The following TRPC4 variants were observed in gnomAD, a reference collection of about 807,000 sequenced individuals.
TRPC4 encodes short transient receptor potential channel 4.
TRPC4 carries 49 observed loss-of-function variants against 99.4 expected under a neutral mutation model. That is an observed-to-expected ratio of 0.49 (90% CI 0.39 to 0.63). The LOEUF is 0.63. TRPC4 is among the 20% of genes least tolerant of loss of function. TRPC4 has a pLI of 0.00. For synonymous variants in TRPC4, 454 were observed against 425.9 expected (o/e 1.07, Z -0.81); for missense variants, 898 against 1,152.9 (o/e 0.78, Z 3.20).
chr13:37,720,276 T>A lies in TRPC4; in HGVS notation c.897+25661A>T, dbSNP rs532237777. 1.2e-4 allele frequency among the ~76,000 whole-genome samples: 19 copies of A among 152,284 alleles called. 1 individual carries two copies. The South Asian group carries it at 3.9e-3, about 32-fold the overall frequency. On this transcript the variant is annotated intron_variant, in intron 3 of 10. Coordinates refer to ENST00000379705, the MANE Select transcript of TRPC4 (RefSeq NM_016179.4). The stretch of plus-strand genomic sequence containing the variant: ...GTTACAGCAGCAAGAGAAAACTAAT[T>A]AATGTATACATTGAAATTCTGAAAG...
At chr13:37,695,249 C>T (rs1953868573) in intron 3 of TRPC4, among the ~76,000 whole-genome samples, 1 of 151,910 alleles carries the variant, frequency 6.6e-6, no homozygotes, top group African/African-American at 2.4e-5. Flanking sequence ...TCTCTGTTGC[C>T]TCCCTCACTG....
Position 37,648,118 on chromosome 13 carries a change from T to C in TRPC4, c.2079+3147A>G, listed in dbSNP as rs1951906269. Among the ~76,000 whole-genome samples, 3 of 152,074 alleles carry C rather than the reference T, an allele frequency of 2.0e-5. No individual in the cohort carries two copies. In the South Asian group the frequency reaches 6.2e-4, roughly 32 times the overall value. ...CCACCACGCGCAGCTAATTTTTGTATTTTTGGTAGAGACAGGGTTTCACCG... is the reference window on the plus strand; with the variant it reads ...CCACCACGCGCAGCTAATTTTTGTACTTTTGGTAGAGACAGGGTTTCACCG... On this transcript the variant is annotated intron_variant, in intron 8 of 10. Coordinates refer to ENST00000379705, the MANE Select transcript of TRPC4 (RefSeq NM_016179.4).
At chr13:37,732,209 G>A (rs1255428119) in intron 3 of TRPC4, among the ~76,000 whole-genome samples, 1 of 152,144 alleles carries the variant, frequency 6.6e-6, no homozygotes, top group Non-Finnish European at 1.5e-5. Flanking sequence ...ACATAATGTG[G>A]TAAATGTACA....
intron 1 of TRPC4, among the ~76,000 whole-genome samples, chr13:37,821,208 A>ACACACACC (rs1566196341): frequency 6.6e-6 from 1 of 150,956 alleles, no homozygotes; most frequent in African/African-American, 2.4e-5. Context: ...ACACACACAC[A>ACACACACC]CACACACACA....
chr13:37,742,306 T>A (rs1348009743), intron 3 of TRPC4, among the ~76,000 whole-genome samples: 2 of 152,140 alleles, frequency 1.3e-5, no homozygotes, highest in Non-Finnish European at 2.9e-5. Flanking sequence ...TCATAAGGAA[T>A]CTGTTATTAG....
At chr13:37,793,605 A>T (rs894632847) in intron 1 of TRPC4, among the ~76,000 whole-genome samples, 47 of 152,118 alleles carry the variant, frequency 3.1e-4, no homozygotes, top group African/African-American at 1.1e-3. Context: ...TTTGGAGAAA[A>T]GGAAATATAA....
In TRPC4 at chr13:37,674,154, A is replaced by C. The variant is rs887221958; in HGVS notation, c.1374+74T>G. The C allele has an allele frequency of 6.7e-6, 9 of 1,339,534 alleles. No homozygotes were observed. In the Admixed American group the frequency reaches 1.6e-4, roughly 24 times the overall value. The allele number at this position is 1,339,534 out of a possible 1,614,324, so 83.0% of individuals were successfully genotyped here. ...AAAGCTCTAGGTAACTTTATTAATAAAATTAATATCAGTTGAAAGTATATC... is the reference window on the plus strand; with the variant it reads ...AAAGCTCTAGGTAACTTTATTAATACAATTAATATCAGTTGAAAGTATATC... On this transcript the variant is annotated intron_variant, in intron 5 of 10. Coordinates refer to ENST00000379705, the MANE Select transcript of TRPC4 (RefSeq NM_016179.4).
chr13:37,742,294 A>T (rs1593633352), intron 3 of TRPC4, among the ~76,000 whole-genome samples: 1 of 152,266 alleles, frequency 6.6e-6, no homozygotes, highest in East Asian at 1.9e-4. Flanking sequence ...TAATATGTTG[A>T]TTCATAAGGA....
intron 3 of TRPC4, among the ~76,000 whole-genome samples, chr13:37,745,456 A>ATGCG (rs1555265707): frequency 4.0e-3 from 12 of 3,014 alleles, no homozygotes; most frequent in African/African-American, 6.3e-3. Context: ...ATATATATAT[A>ATGCG]TATATATATA....
chr13:37,817,126 T>C (rs1042379502), intron 1 of TRPC4, among the ~76,000 whole-genome samples: 15 of 152,184 alleles, frequency 9.9e-5, no homozygotes, highest in Middle Eastern at 3.4e-3. Flanking sequence ...GAAAACTCCA[T>C]AGTCTCAGCA....
At chr13:37,746,514 T>A in intron 2 of TRPC4, 59 bp from the exon 3 acceptor site, 1 of 1,521,472 alleles carries the variant, frequency 6.6e-7, no homozygotes, top group Non-Finnish European at 8.8e-7. Context: ...GTCTGTGAAT[T>A]TCATACACCA....
chr13:37,796,593 C>T (rs2139410926), intron 1 of TRPC4, among the ~76,000 whole-genome samples: 1 of 152,204 alleles, frequency 6.6e-6, no homozygotes, highest in South Asian at 2.1e-4. Flanking sequence ...TCAGGGAGTT[C>T]TTTTGAGTCC....
At chr13:37,805,606 C>G (rs1305476026) in intron 1 of TRPC4, among the ~76,000 whole-genome samples, 1 of 151,942 alleles carries the variant, frequency 6.6e-6, no homozygotes, top group Non-Finnish European at 1.5e-5. Context: ...AGGTTTTCTT[C>G]TTTTGTAGGG....
At chr13:37,808,964 A>G (rs936149912) in intron 1 of TRPC4, among the ~76,000 whole-genome samples, 1 of 152,112 alleles carries the variant, frequency 6.6e-6, no homozygotes, top group Admixed American at 6.6e-5. Flanking sequence ...TCACAAAAGG[A>G]TATCATTCAG....
At position 37,753,056 on chromosome 13, in the gene TRPC4, C is replaced by T. The variant is rs186052361; in HGVS notation, c.379-6601G>A. Among the ~76,000 whole-genome samples the T allele has an allele frequency of 2.8e-3, 432 of 151,828 alleles. 1 individual carries two copies. Among genetic ancestry groups the T allele is most frequent in the African/African-American group, 9.9e-3 (409 of 41,414 alleles). ...TTTTAATGTAAGAACTCAGTAAATG[C>T]TCTAAGAAGAGTATGAATAAAACAA... On this transcript the variant is annotated intron_variant, in intron 2 of 10. Coordinates refer to ENST00000379705, the MANE Select transcript of TRPC4 (RefSeq NM_016179.4).
At chr13:37,642,090 A>C (rs1465338587) in intron 8 of TRPC4, among the ~76,000 whole-genome samples, 2 of 152,176 alleles carry the variant, frequency 1.3e-5, no homozygotes, top group Non-Finnish European at 2.9e-5. Context: ...CTAAATCGTT[A>C]GATGCCTTCA....
At chr13:37,835,606 G>A (rs754666466) in intron 1 of TRPC4, among the ~76,000 whole-genome samples, 5 of 152,174 alleles carry the variant, frequency 3.3e-5, no homozygotes, top group Non-Finnish European at 1.5e-5. Flanking sequence ...AGACAGTGAC[G>A]TAGCAGAAGT....
intron 3 of TRPC4, among the ~76,000 whole-genome samples, chr13:37,731,167 G>A (rs1955226965): frequency 1.3e-5 from 2 of 151,884 alleles, no homozygotes; most frequent in Admixed American, 1.3e-4. Flanking sequence ...GAAAATGTTG[G>A]CACTTACAAT....
At chr13:37,694,591 T>C (rs1185762766) in intron 3 of TRPC4, among the ~76,000 whole-genome samples, 1 of 152,226 alleles carries the variant, frequency 6.6e-6, no homozygotes. Flanking sequence ...CATAGAAAAG[T>C]TGCCATTGCA....
Sources: gnomAD v4.1 joint callset for allele counts (sites outside exome capture counted in the v4.1 genomes callset) on GRCh38, gnomAD v4.1.1 for gene constraint, MANE v1.5 for transcripts, NCBI Gene and HGNC (gene_info 2026-07-23, HGNC 2026-07-21) for gene names.